Variants in PCBP2 observed in about 807,000 individuals in gnomAD.
The protein encoded by PCBP2 is poly(rC) binding protein 2.
A neutral mutation model predicts 50.1 loss-of-function variants in PCBP2; 4 were observed. That is an observed-to-expected ratio of 0.08 (90% CI 0.04 to 0.18). The LOEUF (loss-of-function observed/expected upper bound fraction) is 0.18, where lower values mean the gene tolerates loss of function less well. Among genes scored for constraint, PCBP2 ranks in the 10% least tolerant of loss-of-function variants. The pLI is 1.00. For synonymous variants in PCBP2, 179 were observed against 168.0 expected, an observed-to-expected ratio of 1.07 and a Z score of -0.51; for missense variants, 161 against 474.3, an observed-to-expected ratio of 0.34 and a Z score of 6.14.
intron 8 of PCBP2, among the ~76,000 whole-genome samples, chr12:53,464,144 C>A (rs1384922537): frequency 6.6e-6 from 1 of 152,142 alleles, no homozygotes. Context: ...GTTTTTCTTT[C>A]CCAGGAACTC....
chr12:53,477,942 C>G (rs1009985013), intron 14 of PCBP2, among the ~76,000 whole-genome samples: 1 of 152,124 alleles, frequency 6.6e-6, no homozygotes, highest in South Asian at 2.1e-4. Context: ...GAAATGAAGT[C>G]TTATACATTT....
chr12:53,479,461 A>G lies in PCBP2; in HGVS notation c.*19A>G, dbSNP rs772280779. 3 of 1,610,892 alleles carry G rather than the reference A, an allele frequency of 1.9e-6. No individual in the cohort carries two copies. The highest frequency in any genetic ancestry group is 3.6e-4 in the Middle Eastern group (2 of 5,608). The stretch of plus-strand genomic sequence containing the variant: ...CAGCTAGAACAATGCAGATTCATCC[A>G]TAATCCCTTTCTGCTGTTCACCACC... On this transcript the variant is annotated 3_prime_UTR_variant, in exon 15 of 15. Transcript: ENST00000546463.
chr12:53,465,652 C>T (rs773866999), intron 9 of PCBP2, among the ~76,000 whole-genome samples: 11 of 152,118 alleles, frequency 7.2e-5, no homozygotes, highest in Non-Finnish European at 1.6e-4. Context: ...TCTCACTTCC[C>T]ACATTTTCAT....
chr12:53,462,494 C>T lies in PCBP2; in HGVS notation c.506C>T (p.Ser169Phe). The T allele has an allele frequency of 6.2e-7, 1 of 1,602,614 alleles. No individual in the cohort carries two copies. The highest frequency in any genetic ancestry group is 8.5e-7 in the Non-Finnish European group (1 of 1,172,478). Residue 169 changes from serine to phenylalanine, a missense_variant and splice_region_variant, in exon 8 of 15, where the codon TCC (serine) becomes TTC (phenylalanine). Transcript: ENST00000546463. ...TTTTCCCCTCTGACTCTCTCCCAGTCCCCCCCGAAGGGCGTGACCATCCCG... is the reference window on the plus strand; with the variant it reads ...TTTTCCCCTCTGACTCTCTCCCAGTTCCCCCCGAAGGGCGTGACCATCCCG... ...VKQICVVMLESPPKGVTIPYR... is the reference protein window; with the variant it reads ...VKQICVVMLEFPPKGVTIPYR...
At chr12:53,455,837 T>G in intron 4 of PCBP2, 48 bp from the exon 5 acceptor site, 2 of 1,253,470 alleles carry the variant, frequency 1.6e-6, no homozygotes, top group Non-Finnish European at 2.3e-6. Flanking sequence ...CTGTACATAC[T>G]CAGATCTTCT....
chr12:53,461,731 T>TGA (rs1285253767), intron 7 of PCBP2, among the ~76,000 whole-genome samples: 2 of 152,142 alleles, frequency 1.3e-5, no homozygotes, highest in South Asian at 2.1e-4. Context: ...TGTGTGTGTG[T>TGA]GACGGGTTCA....
chr12:53,467,394 C>A, intron 11 of PCBP2, 101 bp downstream of exon 11: 1 of 975,748 alleles, frequency 1.0e-6, no homozygotes, highest in Non-Finnish European at 1.7e-6. Context: ...CTTCGTTATC[C>A]AGCATCCTGC....
rs1941274442 is a variant in PCBP2 at position 53,459,355 on chromosome 12, T to C, written c.327T>C (p.Cys109=). 5 of 1,613,016 alleles carry C rather than the reference T, an allele frequency of 3.1e-6. No homozygotes were observed. Among genetic ancestry groups the C allele is most frequent in the Non-Finnish European group, 4.2e-6 (5 of 1,179,312 alleles). ...GGCTGGTGGTCCCTGCTAGTCAGTG[T>C]GGCTCTCTCATTGGAAAAGGTGGAT... is the stretch of plus-strand genomic sequence containing the variant. ...TLRLVVPASQ[C]GSLIGKGGCK... Residue 109 remains cysteine (C), a synonymous_variant, in exon 6 of 15, where the codon TGT becomes TGC. Coordinates refer to ENST00000546463, the MANE Select transcript of PCBP2 (RefSeq NM_031989.5).
intron 6 of PCBP2, 118 bp downstream of exon 6, chr12:53,459,521 A>G: frequency 1.3e-6 from 1 of 779,110 alleles, no homozygotes. Context: ...ACAGTTCTAG[A>G]GGATTACAAT....
At chr12:53,470,401 A>AT (rs200221029) in intron 13 of PCBP2, among the ~76,000 whole-genome samples, 3 of 104,934 alleles carry the variant, frequency 2.9e-5, no homozygotes, top group African/African-American at 9.2e-5. Context: ...AAAAAAAAAA[A>AT]AGTGTAGTGG....
intron 5 of PCBP2, among the ~76,000 whole-genome samples, chr12:53,458,114 A>T (rs944952804): frequency 2.0e-5 from 3 of 151,340 alleles, no homozygotes; most frequent in Non-Finnish European, 4.4e-5. Context: ...TTTTTAGTAG[A>T]GACGGGGCTT....
At chr12:53,465,022 C>T (rs1002604791) in intron 9 of PCBP2, 170 bp downstream of exon 9, 1 of 749,532 alleles carries the variant, frequency 1.3e-6, no homozygotes, top group Non-Finnish European at 1.9e-6. Context: ...GCCGCGTAGC[C>T]CACCAGATGG....
Position 53,480,977 on chromosome 12 carries a change from G to A in PCBP2, c.*1535G>A, listed in dbSNP as rs954199574. On this transcript the variant is annotated 3_prime_UTR_variant, in exon 15 of 15. Coordinates refer to ENST00000546463, the MANE Select transcript of PCBP2 (RefSeq NM_031989.5). ...GGCTTGCCCTTAGCCACAGCTCTAC[G>A]GCTGTGCCTCATTCATTTCCACAGC... The A allele has an allele frequency of 7.1e-5, 13 of 183,752 alleles. No homozygotes were observed. The highest frequency in any genetic ancestry group is 3.7e-4 in the Admixed American group (6 of 16,358). The allele number at this position is 183,752 out of a possible 1,614,324, so 11.4% of individuals were successfully genotyped here.
chr12:53,467,706 T>C, intron 11 of PCBP2, 99 bp from the exon 12 acceptor site: 1 of 968,802 alleles, frequency 1.0e-6, no homozygotes, highest in South Asian at 1.4e-5. Flanking sequence ...TTTTTGTTTT[T>C]ATTTTGTTTC....
At chr12:53,457,747 T>A (rs979379065) in intron 5 of PCBP2, among the ~76,000 whole-genome samples, 2 of 152,204 alleles carry the variant, frequency 1.3e-5, no homozygotes, top group Non-Finnish European at 2.9e-5. Flanking sequence ...GGGTCTTAAG[T>A]GCTTAAGCAG....
intron 4 of PCBP2, 42 bp downstream of exon 4, chr12:53,455,535 A>C: frequency 6.3e-7 from 1 of 1,585,916 alleles, no homozygotes; most frequent in Non-Finnish European, 8.7e-7. Flanking sequence ...TGGGAAGTAA[A>C]AAACCTTTAA....
In PCBP2 at chr12:53,480,686, T is replaced by C. The variant is rs558124349; in HGVS notation, c.*1244T>C. 2 of 152,568 alleles carry C rather than the reference T, an allele frequency of 1.3e-5. No individual in the cohort carries two copies. Among genetic ancestry groups the C allele is most frequent in the African/African-American group, 2.4e-5 (1 of 41,486 alleles). 9.5% of individuals were successfully genotyped at this position (152,568 alleles called of 1,614,324 possible). ...ACAGGGCTTGGGCAGAGAAGATAAA[T>C]GGTGGGACAAAAAAATGAGTTACAT... On this transcript the variant is annotated 3_prime_UTR_variant, in exon 15 of 15. Coordinates refer to ENST00000546463, the MANE Select transcript of PCBP2 (RefSeq NM_031989.5).
intron 14 of PCBP2, among the ~76,000 whole-genome samples, chr12:53,474,657 TA>T (rs1942454337): frequency 6.6e-6 from 1 of 152,240 alleles, no homozygotes; most frequent in Non-Finnish European, 1.5e-5. Flanking sequence ...TAGCAGTTTT[TA>T]AGTAGCTCTG....
chr12:53,462,831 C>G (rs138069203), intron 8 of PCBP2, among the ~76,000 whole-genome samples: 17 of 152,264 alleles, frequency 1.1e-4, no homozygotes, highest in Non-Finnish European at 1.9e-4. Context: ...GACTTACTGT[C>G]TCTACTTCTC....
Sources: allele counts gnomAD v4.1 joint callset (sites outside exome capture counted in the v4.1 genomes callset), GRCh38; gene constraint gnomAD v4.1.1; transcripts MANE v1.5; gene names NCBI Gene and HGNC (gene_info 2026-07-23, HGNC 2026-07-21).